The following BPNT2 variants were observed in gnomAD, a reference collection of about 807,000 sequenced individuals.
The protein encoded by BPNT2 is Golgi-resident adenosine 3',5'-bisphosphate 3'-phosphatase.
In BPNT2, 11 loss-of-function variants were observed where a neutral mutation model predicts 29.3. The observed-to-expected ratio is 0.38, with a 90% confidence interval of 0.24 to 0.62. The LOEUF (loss-of-function observed/expected upper bound fraction) is 0.62. Among genes scored for constraint, BPNT2 ranks in the 20% least tolerant of loss-of-function variants. The pLI, the probability that BPNT2 is intolerant of heterozygous loss-of-function variation, is 0.62. For missense variants in BPNT2, 459 were observed against 473.4 expected (o/e 0.97, Z 0.28); for synonymous variants, 195 against 187.7 (o/e 1.04, Z -0.32).
intron 3 of BPNT2, among the ~76,000 whole-genome samples, chr8:56,977,681 C>T (rs934618112): frequency 2.0e-5 from 3 of 152,108 alleles, no homozygotes; most frequent in African/African-American, 7.2e-5. Flanking sequence ...TCCAATATGA[C>T]TGGTGTGCTT....
rs908045838 is a variant in BPNT2 at position 56,966,083 on chromosome 8, A to T, written c.808+108T>A. On this transcript the variant is annotated intron_variant, in intron 4 of 4. Coordinates refer to ENST00000262644, the MANE Select transcript of BPNT2 (RefSeq NM_017813.5). ...ACCAAGCCTGTCTTGAAAGTACACC[A>T]CTCCTCCTCACTTTCCTCCCAAGCA... 9.2e-6 allele frequency: 11 copies of T among 1,200,842 alleles called. No homozygotes were observed. The African/African-American group carries it at 1.5e-4, about 16-fold the overall frequency. 74.4% of individuals were successfully genotyped at this position (1,200,842 alleles called of 1,614,324 possible). A position where few individuals can be genotyped will look rare whatever the true frequency, so the allele number is the denominator to read the frequency against.
intron 3 of BPNT2, among the ~76,000 whole-genome samples, chr8:56,970,594 T>A (rs1269136559): frequency 6.6e-6 from 1 of 152,170 alleles, no homozygotes; most frequent in Non-Finnish European, 1.5e-5. Flanking sequence ...AGCTGTAAAA[T>A]CCATTTTAGC....
chr8:56,979,410 C>A (rs984786112), intron 2 of BPNT2, among the ~76,000 whole-genome samples: 3 of 152,138 alleles, frequency 2.0e-5, no homozygotes, highest in African/African-American at 4.8e-5. Context: ...ATTATCTACT[C>A]CTGAAAAGTT....
intron 4 of BPNT2, 79 bp from the exon 5 acceptor site, chr8:56,964,143 G>C: frequency 9.6e-7 from 1 of 1,039,500 alleles, no homozygotes; most frequent in Non-Finnish European, 1.4e-6. Context: ...TAAGTATCCT[G>C]TTAAAATAGC....
chr8:56,983,754 T>G (rs1449532435), intron 1 of BPNT2, among the ~76,000 whole-genome samples: 7 of 152,174 alleles, frequency 4.6e-5, no homozygotes, highest in Admixed American at 6.5e-5. Context: ...TTTGTTGTTG[T>G]TGGTTTTTTT....
intron 1 of BPNT2, among the ~76,000 whole-genome samples, chr8:56,985,740 G>C (rs1295034462): frequency 6.6e-6 from 1 of 152,130 alleles, no homozygotes; most frequent in Non-Finnish European, 1.5e-5. Flanking sequence ...CTTCTGTGTA[G>C]GCATTTCTAG....
At chr8:56,971,935 A>G (rs188986776) in intron 3 of BPNT2, among the ~76,000 whole-genome samples, 2 of 151,886 alleles carry the variant, frequency 1.3e-5, no homozygotes, top group Non-Finnish European at 1.5e-5. Context: ...CTCTACTAAA[A>G]ATACAAAAAA....
chr8:56,988,113 A>T (rs1806354893), intron 1 of BPNT2, among the ~76,000 whole-genome samples: 1 of 152,142 alleles, frequency 6.6e-6, no homozygotes. Flanking sequence ...TTTTACTATC[A>T]ACTATTGTCT....
intron 2 of BPNT2, among the ~76,000 whole-genome samples, chr8:56,979,140 T>C (rs1806198045): frequency 6.6e-6 from 1 of 152,224 alleles, no homozygotes; most frequent in South Asian, 2.1e-4. Context: ...ACCTGGGTTA[T>C]TCTCCTAGCC....
intron 1 of BPNT2, among the ~76,000 whole-genome samples, chr8:56,980,646 T>A (rs1277197498): frequency 1.3e-5 from 2 of 150,804 alleles, no homozygotes; most frequent in Admixed American, 1.3e-4. Flanking sequence ...TTTTTTTAAC[T>A]AAGGAACAAA....
intron 3 of BPNT2, chr8:56,967,263 G>C (rs1453386801): frequency 2.2e-6 from 1 of 456,090 alleles, no homozygotes; most frequent in African/African-American, 2.0e-5. Context: ...TTGGGTTTCT[G>C]AGTTCCCCAA....
intron 3 of BPNT2, among the ~76,000 whole-genome samples, chr8:56,970,595 C>A (rs1806014743): frequency 6.6e-6 from 1 of 152,072 alleles, no homozygotes; most frequent in Non-Finnish European, 1.5e-5. Context: ...GCTGTAAAAT[C>A]CATTTTAGCA....
intron 1 of BPNT2, among the ~76,000 whole-genome samples, chr8:56,987,710 T>C (rs1177952899): frequency 2.6e-5 from 4 of 151,642 alleles, no homozygotes; most frequent in South Asian, 4.2e-4. Context: ...ACCAATACAG[T>C]AGGCATTCAA....
In BPNT2 at chr8:56,962,465, G is replaced by C. The variant is rs913850270; in HGVS notation, c.*1328C>G. On this transcript the variant is annotated 3_prime_UTR_variant, in exon 5 of 5. Coordinates refer to ENST00000262644, the MANE Select transcript of BPNT2 (RefSeq NM_017813.5). ...TGTTATGGAATACAAGGGCACTGGA[G>C]TCACATGAAATAACGGCATGGGTAG... 1 of 152,156 alleles carries C rather than the reference G, an allele frequency of 6.6e-6. No individual in the cohort carries two copies. The allele number at this position is 152,156 out of a possible 1,614,324, so 9.4% of individuals were successfully genotyped here.
At chr8:56,979,004 C>A in intron 2 of BPNT2, among the ~76,000 whole-genome samples, 1 of 152,034 alleles carries the variant, frequency 6.6e-6, no homozygotes, top group East Asian at 1.9e-4. Flanking sequence ...ACAAGTTTAC[C>A]CTATGTAACA....
chr8:56,981,712 T>C (rs967967726), intron 1 of BPNT2, among the ~76,000 whole-genome samples: 1 of 152,218 alleles, frequency 6.6e-6, no homozygotes, highest in African/African-American at 2.4e-5. Flanking sequence ...ATATGAATAC[T>C]GCCTCACCAT....
intron 3 of BPNT2, among the ~76,000 whole-genome samples, chr8:56,973,438 C>G (rs1585559796): frequency 6.6e-6 from 1 of 152,150 alleles, no homozygotes; most frequent in Non-Finnish European, 1.5e-5. Flanking sequence ...TTATAGAAAA[C>G]CCATGAATTC....
At position 56,963,469 on chromosome 8, in the gene BPNT2, CATG is replaced by C. The variant is rs1248361518; in HGVS notation, c.*321_*323del. The C allele has an allele frequency of 1.1e-5, 3 of 266,424 alleles. No homozygotes were observed. The highest frequency in any genetic ancestry group is 4.4e-5 in the African/African-American group (2 of 45,496). The allele number at this position is 266,424 out of a possible 1,614,324, so 16.5% of individuals were successfully genotyped here. On this transcript the variant is annotated 3_prime_UTR_variant, in exon 5 of 5. Transcript: ENST00000262644. ...TATGAAAGTACTAACAGTGAAGATT[CATG>C]ATGTTGTGTGAAAATGGTGACTCAT...
intron 3 of BPNT2, among the ~76,000 whole-genome samples, chr8:56,971,782 A>ACCAC (rs545975380): frequency 9.6e-6 from 1 of 104,172 alleles, no homozygotes; most frequent in African/African-American, 3.4e-5. Context: ...ATTTTGTACC[A>ACCAC]CCCCCCCCCC....
Sources: gnomAD v4.1 joint callset for allele counts (sites outside exome capture counted in the v4.1 genomes callset) on GRCh38, gnomAD v4.1.1 for gene constraint, MANE v1.5 for transcripts, NCBI Gene and HGNC (gene_info 2026-07-23, HGNC 2026-07-21) for gene names.